SLC39A12: variants seen among roughly 807,000 people sequenced by gnomAD.
SLC39A12 encodes zinc transporter ZIP12.
SLC39A12 carries 63 observed loss-of-function variants against 71.1 expected under a neutral mutation model. The ratio of observed to expected loss-of-function variants is 0.89; its 90% CI spans 0.72 to 1.09. The LOEUF (loss-of-function observed/expected upper bound fraction) is 1.09, where lower values mean the gene tolerates loss of function less well. SLC39A12 is among the 50% of genes least tolerant of loss of function. SLC39A12 has a pLI of 0.00. For synonymous variants in SLC39A12, 351 were observed against 301.3 expected (o/e 1.16, Z -1.71); for missense variants, 892 against 812.6 (o/e 1.10, Z -1.19).
chr10:18,028,923 C>T (rs193277376), intron 12 of SLC39A12, among the ~76,000 whole-genome samples: 6 of 152,186 alleles, frequency 3.9e-5, no homozygotes, highest in African/African-American at 1.4e-4. Flanking sequence ...TTTCACCATA[C>T]TGGTCAGGCT....
chr10:18,026,295 T>C (rs538748896), intron 12 of SLC39A12, among the ~76,000 whole-genome samples: 1 of 152,232 alleles, frequency 6.6e-6, no homozygotes, highest in South Asian at 2.1e-4. Flanking sequence ...ATATTTCTCC[T>C]TCACTTTTGA....
intron 2 of SLC39A12, among the ~76,000 whole-genome samples, chr10:17,960,243 C>T (rs1162877035): frequency 9.2e-5 from 14 of 152,124 alleles, no homozygotes; most frequent in Non-Finnish European, 1.8e-4. Flanking sequence ...AGCATTAATT[C>T]CCCATCTCCA....
intron 6 of SLC39A12, among the ~76,000 whole-genome samples, chr10:17,984,093 C>G (rs2130813977): frequency 6.6e-6 from 1 of 152,298 alleles, no homozygotes; most frequent in East Asian, 1.9e-4. Context: ...GTGGCTAGGT[C>G]AAGCTCTGTT....
intron 12 of SLC39A12, among the ~76,000 whole-genome samples, chr10:18,025,549 C>G (rs1031669935): frequency 6.6e-6 from 1 of 152,182 alleles, no homozygotes; most frequent in Non-Finnish European, 1.5e-5. Flanking sequence ...CATGTCCCTA[C>G]AAAGGACATG....
chr10:17,960,574 A>T (rs765718952), intron 2 of SLC39A12, among the ~76,000 whole-genome samples: 70 of 152,224 alleles, frequency 4.6e-4, no homozygotes, highest in Admixed American at 9.2e-4. Context: ...ACTACGCAAA[A>T]AGCAGACGAA....
In SLC39A12 at chr10:17,993,299, C is replaced by T; in HGVS notation, c.1533+8C>T. The T allele has an allele frequency of 6.6e-7, 1 of 1,525,588 alleles. No individual in the cohort carries two copies. Among genetic ancestry groups the T allele is most frequent in the Non-Finnish European group, 8.9e-7 (1 of 1,123,216 alleles). 94.5% of individuals were successfully genotyped at this position (1,525,588 alleles called of 1,614,324 possible). On this transcript the variant is annotated splice_region_variant and intron_variant, in intron 9 of 12. Transcript: ENST00000377369. ...GCTTCAACTATCCAGTTGGTAGGTT[C>T]CTGATCTGAAGCATTCTACTGATCT...
At chr10:18,036,794 A>ATATATAT (rs1554855475) in intron 12 of SLC39A12, among the ~76,000 whole-genome samples, 20 of 92,848 alleles carry the variant, frequency 2.2e-4, no homozygotes, top group Non-Finnish European at 3.7e-4. Flanking sequence ...ATATATATAT[A>ATATATAT]TTTTTTTTTT....
In SLC39A12 at chr10:17,973,971, T is replaced by C. The variant is rs116570181; in HGVS notation, c.752-3931T>C. Among the ~76,000 whole-genome samples, 953 of 152,030 alleles carry C rather than the reference T, an allele frequency of 6.3e-3. 11 individuals carry two copies. Among genetic ancestry groups the C allele is most frequent in the African/African-American group, 0.022 (909 of 41,544 alleles). On this transcript the variant is annotated intron_variant, in intron 4 of 12. Transcript: ENST00000377369. The stretch of plus-strand genomic sequence containing the variant: ...CTGTCTTGCAAGCTTACTAATTTTT[T>C]CTTCCACTTGATCAGTTCTGCTATT...
intron 12 of SLC39A12, chr10:18,008,479 G>A (rs1337879979): frequency 6.6e-6 from 1 of 152,152 alleles, no homozygotes; most frequent in Non-Finnish European, 1.5e-5. Context: ...ATATTACAAT[G>A]TAATAATAAT....
Position 17,966,858 on chromosome 10 carries a change from C to T in SLC39A12, c.751+1168C>T, listed in dbSNP as rs1042715804. ...GCGTGGTGGCGTGTGCCTGTAGTCC[C>T]AGCTACTCCGGAGGCTGAGGCAGGA... On this transcript the variant is annotated intron_variant, in intron 4 of 12. Transcript: ENST00000377369. 1.0e-3 allele frequency among the ~76,000 whole-genome samples: 159 copies of T among 151,934 alleles called. 1 individual carries two copies. The highest frequency in any genetic ancestry group is 3.4e-3 in the Middle Eastern group (1 of 294).
At chr10:18,004,669 C>A (rs1323037957) in intron 12 of SLC39A12, among the ~76,000 whole-genome samples, 1 of 152,122 alleles carries the variant, frequency 6.6e-6, no homozygotes, top group Non-Finnish European at 1.5e-5. Flanking sequence ...ATCTGTGATG[C>A]TCTGAGAACA....
chr10:18,041,873 G>GTATA (rs979630923), intron 12 of SLC39A12, among the ~76,000 whole-genome samples: 1 of 146,748 alleles, frequency 6.8e-6, no homozygotes, highest in African/African-American at 2.5e-5. Context: ...ATATGTATAT[G>GTATA]TATATATATA....
At chr10:17,988,948 A>T (rs896868018) in intron 7 of SLC39A12, among the ~76,000 whole-genome samples, 4 of 152,224 alleles carry the variant, frequency 2.6e-5, no homozygotes, top group South Asian at 2.1e-4. Flanking sequence ...CCTCTGTAAT[A>T]GTCTTATCTT....
intron 2 of SLC39A12, among the ~76,000 whole-genome samples, 183 bp from the exon 3 acceptor site, chr10:17,961,398 T>C (rs1407081488): frequency 2.0e-5 from 3 of 152,082 alleles, no homozygotes; most frequent in Non-Finnish European, 2.9e-5. Flanking sequence ...AAAAAAGGGG[T>C]TCCCTAGACA....
chr10:17,962,357 G>A (rs1564638986), intron 3 of SLC39A12, among the ~76,000 whole-genome samples: 1 of 152,160 alleles, frequency 6.6e-6, no homozygotes, highest in African/African-American at 2.4e-5. Flanking sequence ...TCCCTTTGTG[G>A]TTTTGAATTG....
In SLC39A12 at chr10:17,971,070, T is replaced by C. The variant is rs182025055; in HGVS notation, c.751+5380T>C. Reference sequence around the variant, plus strand: ...TCAATTGAAATGATCATATGATTTTTGTTGTTTATTTGGTTGATGTGATGT... The same window carrying C: ...TCAATTGAAATGATCATATGATTTTCGTTGTTTATTTGGTTGATGTGATGT... On this transcript the variant is annotated intron_variant, in intron 4 of 12. Coordinates refer to ENST00000377369, the MANE Select transcript of SLC39A12 (RefSeq NM_001145195.2). Among the ~76,000 whole-genome samples the C allele has an allele frequency of 2.7e-3, 414 of 152,274 alleles. 1 individual carries two copies. Among genetic ancestry groups the C allele is most frequent in the African/African-American group, 9.3e-3 (386 of 41,548 alleles).
At chr10:17,978,686 C>T (rs1835177977) in intron 5 of SLC39A12, among the ~76,000 whole-genome samples, 1 of 152,188 alleles carries the variant, frequency 6.6e-6, no homozygotes, top group East Asian at 1.9e-4. Context: ...TTAAGGCATG[C>T]ATCTTCTAAG....
intron 2 of SLC39A12, among the ~76,000 whole-genome samples, chr10:17,958,097 C>T (rs1321532329): frequency 6.6e-6 from 1 of 152,190 alleles, no homozygotes; most frequent in Non-Finnish European, 1.5e-5. Flanking sequence ...CCTACCCACA[C>T]GATTATAGTG....
At chr10:18,019,697 A>T (rs1836478961) in intron 12 of SLC39A12, among the ~76,000 whole-genome samples, 1 of 151,896 alleles carries the variant, frequency 6.6e-6, no homozygotes, top group East Asian at 1.9e-4. Context: ...TTTAATCTCC[A>T]GTTCTTTTGG....
Sources: allele counts gnomAD v4.1 joint callset (sites outside exome capture counted in the v4.1 genomes callset), GRCh38; gene constraint gnomAD v4.1.1; transcripts MANE v1.5; gene names NCBI Gene and HGNC (gene_info 2026-07-23, HGNC 2026-07-21).